EBF1: variants seen among roughly 807,000 people sequenced by gnomAD.
EBF1 encodes transcription factor COE1.
Under a neutral mutation model 68.4 loss-of-function variants are expected in EBF1, and 10 were observed. The ratio of observed to expected loss-of-function variants is 0.15; its 90% confidence interval spans 0.09 to 0.25. EBF1 has a LOEUF of 0.25. Ranked by LOEUF, EBF1 falls within the 10% of genes least tolerant of loss-of-function variation. The pLI is 1.00. For synonymous variants in EBF1, 298 were observed against 299.8 expected, an observed-to-expected ratio of 0.99 and a Z score of 0.06; for missense variants, 509 against 794.4, an observed-to-expected ratio of 0.64 and a Z score of 4.32.
intron 6 of EBF1, among the ~76,000 whole-genome samples, chr5:159,048,013 T>C (rs1772774927): frequency 6.6e-6 from 1 of 152,180 alleles, no homozygotes; most frequent in South Asian, 2.1e-4. Context: ...TTTCAGGAGA[T>C]AGGCACTATA....
At position 159,084,605 on chromosome 5, in the gene EBF1, T is replaced by A; in HGVS notation, c.485+61A>T. 2.1e-6 allele frequency: 3 copies of A among 1,412,700 alleles called. No homozygotes were observed. The East Asian group carries it at 7.3e-5, about 35-fold the overall frequency. 87.5% of individuals were successfully genotyped at this position (1,412,700 alleles called of 1,614,324 possible). A position where few individuals can be genotyped will look rare whatever the true frequency, so the allele number is the denominator to read the frequency against. Reference sequence around the variant, plus strand: ...AAAAAAAGACCAAAGTTCACCAAGATTTGAAATGCAAATTCATCTTCTCTT... The same window carrying A: ...AAAAAAAGACCAAAGTTCACCAAGAATTGAAATGCAAATTCATCTTCTCTT... On this transcript the variant is annotated intron_variant, in intron 5 of 15. Transcript: ENST00000313708.
At chr5:159,099,324 C>T in intron 1 of EBF1, 21 bp downstream of exon 1, 2 of 1,516,270 alleles carry the variant, frequency 1.3e-6, no homozygotes, top group East Asian at 2.7e-5. Context: ...ACCTCGGCCG[C>T]GGTCCCCGCG....
intron 14 of EBF1, among the ~76,000 whole-genome samples, chr5:158,711,557 G>C (rs1759313455): frequency 6.6e-6 from 1 of 152,192 alleles, no homozygotes; most frequent in African/African-American, 2.4e-5. Flanking sequence ...AAATGAACTT[G>C]ATTCCTTTTA....
chr5:158,711,422 C>T (rs1445305964), intron 14 of EBF1, among the ~76,000 whole-genome samples: 3 of 152,160 alleles, frequency 2.0e-5, no homozygotes, highest in Non-Finnish European at 4.4e-5. Context: ...GTGCCTCTAT[C>T]CATGTGTCCG....
intron 6 of EBF1, among the ~76,000 whole-genome samples, chr5:159,029,147 T>C (rs888052383): frequency 4.6e-5 from 7 of 152,162 alleles, no homozygotes; most frequent in Non-Finnish European, 1.0e-4. Context: ...AAATAAAATA[T>C]GCACATATGG....
chr5:159,097,660 C>T (rs1157628477), intron 1 of EBF1: 5 of 234,416 alleles, frequency 2.1e-5, no homozygotes, highest in Admixed American at 5.6e-5. Context: ...GAAGCCACAT[C>T]CCCCCACCAC....
At position 159,099,721 on chromosome 5, in the gene EBF1, C is replaced by T. The variant is rs1157349777; in HGVS notation, c.-243G>A. ...AAAAAAGAAGAAAGGGAAAATCCAA[C>T]GAAAAGACCAAAATAATAAAATTAG... On this transcript the variant is annotated 5_prime_UTR_variant, in exon 1 of 16. Transcript: ENST00000313708. The T allele has an allele frequency of 3.1e-6, 1 of 320,336 alleles. No homozygotes were observed. The highest frequency in any genetic ancestry group is 5.3e-6 in the Non-Finnish European group (1 of 187,400). The allele number at this position is 320,336 out of a possible 1,614,324, so 19.8% of individuals were successfully genotyped here. A position where few individuals can be genotyped will look rare whatever the true frequency, so the allele number is the denominator to read the frequency against.
intron 6 of EBF1, among the ~76,000 whole-genome samples, chr5:158,976,963 C>T (rs1335908377): frequency 1.3e-5 from 2 of 152,214 alleles, no homozygotes; most frequent in African/African-American, 4.8e-5. Flanking sequence ...TTTTCAGGTT[C>T]TTCTACTGCT....
intron 6 of EBF1, among the ~76,000 whole-genome samples, chr5:158,908,507 A>G (rs1047358225): frequency 1.2e-4 from 18 of 152,102 alleles, no homozygotes; most frequent in African/African-American, 4.1e-4. Flanking sequence ...ATTAACTCCA[A>G]TCAAGCTTTT....
intron 11 of EBF1, 92 bp downstream of exon 11, chr5:158,730,977 T>G (rs1257222216): frequency 3.4e-6 from 4 of 1,180,194 alleles, no homozygotes; most frequent in Non-Finnish European, 4.9e-6. Context: ...TATGAGTTGT[T>G]TACCTGTGAA....
At chr5:158,996,298 G>A (rs1761401416) in intron 6 of EBF1, among the ~76,000 whole-genome samples, 1 of 152,182 alleles carries the variant, frequency 6.6e-6, no homozygotes, top group South Asian at 2.1e-4. Flanking sequence ...TTGTAAGCAT[G>A]TAATGTCTTA....
intron 6 of EBF1, among the ~76,000 whole-genome samples, chr5:158,882,125 A>G (rs1251729107): frequency 6.6e-6 from 1 of 152,186 alleles, no homozygotes; most frequent in East Asian, 1.9e-4. Context: ...TTCAGCTATG[A>G]CATTATTAAC....
chr5:159,060,759 G>A (rs1221086998), intron 6 of EBF1, among the ~76,000 whole-genome samples: 2 of 152,084 alleles, frequency 1.3e-5, no homozygotes, highest in Non-Finnish European at 2.9e-5. Context: ...TTACAGGATG[G>A]CATAAAAGAT....
At chr5:158,974,520 T>A (rs1047445403) in intron 6 of EBF1, among the ~76,000 whole-genome samples, 9 of 152,204 alleles carry the variant, frequency 5.9e-5, no homozygotes, top group African/African-American at 2.2e-4. Flanking sequence ...GGCTTCGAGA[T>A]GGAGTTTTCT....
chr5:158,877,700 G>A (rs145179070), intron 6 of EBF1, among the ~76,000 whole-genome samples: 15 of 150,760 alleles, frequency 9.9e-5, no homozygotes, highest in East Asian at 3.9e-4. Flanking sequence ...TACTACAAAC[G>A]CACACACACA....
intron 6 of EBF1, among the ~76,000 whole-genome samples, chr5:158,850,843 C>T (rs1168019247): frequency 6.6e-6 from 1 of 151,814 alleles, no homozygotes; most frequent in Non-Finnish European, 1.5e-5. Context: ...CCTGTCTCCA[C>T]TAAAAATTTA....
rs189566453 is a variant in EBF1, at chr5:159,013,790, T to C, written c.554+59606A>G. Among the ~76,000 whole-genome samples, 4 of 152,322 alleles carry C rather than the reference T, an allele frequency of 2.6e-5. No homozygotes were observed. The East Asian group carries it at 7.7e-4, about 29-fold the overall frequency. On this transcript the variant is annotated intron_variant, in intron 6 of 15. Coordinates refer to ENST00000313708, the MANE Select transcript of EBF1 (RefSeq NM_024007.5). ...TGAAGGCATAACACTCTCTGTCCCA[T>C]GCACACCTATCCTTCCAGCTCACAC...
At chr5:158,869,412 C>T (rs1369311194) in intron 6 of EBF1, among the ~76,000 whole-genome samples, 1 of 152,172 alleles carries the variant, frequency 6.6e-6, no homozygotes, top group African/African-American at 2.4e-5. Flanking sequence ...AAGGCATTGC[C>T]ATTCAGTCTG....
Position 158,750,379 on chromosome 5 carries a change from TTCTC to T in EBF1, c.1037-19226_1037-19223del, listed in dbSNP as rs1272158172. On this transcript the variant is annotated intron_variant, in intron 10 of 15. Coordinates refer to ENST00000313708, the MANE Select transcript of EBF1 (RefSeq NM_024007.5). ...ATGATAAGAGAGGAAATAGATTCCA[TTCTC>T]TCTGTTTACTTTATTACTATTGATT... Among the ~76,000 whole-genome samples, 4 of 152,214 alleles carry T rather than the reference TTCTC, an allele frequency of 2.6e-5. No individual in the cohort carries two copies. In the South Asian group the frequency reaches 8.3e-4, roughly 32 times the overall value.
Sources: allele counts gnomAD v4.1 joint callset (sites outside exome capture counted in the v4.1 genomes callset), GRCh38; gene constraint gnomAD v4.1.1; transcripts MANE v1.5; gene names NCBI Gene and HGNC (gene_info 2026-07-23, HGNC 2026-07-21).